NUCKS1: variants seen among roughly 807,000 people sequenced by gnomAD.
NUCKS1 encodes the protein nuclear casein kinase and cyclin dependent kinase substrate 1, also known as nuclear ubiquitous casein and cyclin-dependent kinase substrate 1.
Under a neutral mutation model 33.0 loss-of-function variants are expected in NUCKS1, and 2 were observed. The ratio of observed to expected loss-of-function variants is 0.06; its 90% CI spans 0.02 to 0.19. The LOEUF is 0.19. Among genes scored for constraint, NUCKS1 ranks in the 10% least tolerant of loss-of-function variants. The pLI is 1.00. For missense variants in NUCKS1, 201 were observed against 293.6 expected (o/e 0.68, Z 2.31); for synonymous variants, 106 against 102.8 (o/e 1.03, Z -0.19).
intron 1 of NUCKS1, among the ~76,000 whole-genome samples, chr1:205,739,218 C>T (rs1277276390): frequency 2.0e-5 from 3 of 152,194 alleles, no homozygotes; most frequent in Non-Finnish European, 4.4e-5. Flanking sequence ...TCCTTCCAAA[C>T]CTATAATCCA....
chr1:205,745,978 C>T (rs1337183978), intron 1 of NUCKS1, among the ~76,000 whole-genome samples: 2 of 152,224 alleles, frequency 1.3e-5, no homozygotes, highest in East Asian at 3.9e-4. Flanking sequence ...GTATGTTGAG[C>T]AAAAGTGAAT....
chr1:205,720,690 G>T (rs371294108), intron 4 of NUCKS1, 37 bp from the exon 5 acceptor site: 4 of 1,558,054 alleles, frequency 2.6e-6, no homozygotes, highest in Non-Finnish European at 3.5e-6. Flanking sequence ...AATGATTAAA[G>T]AATTTTATAT....
intron 1 of NUCKS1, among the ~76,000 whole-genome samples, chr1:205,749,714 C>G (rs1452471523): frequency 6.6e-6 from 1 of 151,646 alleles, no homozygotes; most frequent in Non-Finnish European, 1.5e-5. Flanking sequence ...GTGGGGGAGG[C>G]AGCTGAGCAG....
At chr1:205,742,949 T>TA (rs1242090116) in intron 1 of NUCKS1, among the ~76,000 whole-genome samples, 10 of 152,252 alleles carry the variant, frequency 6.6e-5, no homozygotes, top group African/African-American at 2.4e-4. Flanking sequence ...CTTCTGAATT[T>TA]AGAGTAATAC....
rs1264515201 is a variant in NUCKS1, at chr1:205,715,124, A to G, written c.*3156T>C. 9 of 152,212 alleles carry G rather than the reference A, an allele frequency of 5.9e-5. No individual in the cohort carries two copies. The highest frequency in any genetic ancestry group is 2.2e-4 in the African/African-American group (9 of 41,456). The allele number at this position is 152,212 out of a possible 1,614,324, so 9.4% of individuals were successfully genotyped here. On this transcript the variant is annotated 3_prime_UTR_variant, in exon 7 of 7. Coordinates refer to ENST00000367142, the MANE Select transcript of NUCKS1 (RefSeq NM_022731.5). ...AAAAGAGTCAAGTTTAGTCTAGCTG[A>G]CCATATTCACAAGTGTTAAAAACTT...
chr1:205,740,838 T>C (rs915922573), intron 1 of NUCKS1, among the ~76,000 whole-genome samples: 1 of 137,518 alleles, frequency 7.3e-6, no homozygotes, highest in Non-Finnish European at 1.6e-5. Context: ...TATATATATA[T>C]ACTTAGTATG....
rs1671829475 is a variant in NUCKS1 at position 205,716,805 on chromosome 1, A to C, written c.*1475T>G. The C allele has an allele frequency of 6.6e-6, 1 of 152,194 alleles. No homozygotes were observed. 9.4% of individuals were successfully genotyped at this position (152,194 alleles called of 1,614,324 possible). A position where few individuals can be genotyped will look rare whatever the true frequency, so the allele number is the denominator to read the frequency against. ...TAGATGTGAAGGATCAAACCTACGG[A>C]TCTATCTCCTGACTGCTTTTATAAG... On this transcript the variant is annotated 3_prime_UTR_variant, in exon 7 of 7. Transcript: ENST00000367142.
intron 1 of NUCKS1, among the ~76,000 whole-genome samples, chr1:205,732,309 T>G (rs906006041): frequency 2.4e-4 from 37 of 152,198 alleles, no homozygotes; most frequent in Non-Finnish European, 3.4e-4. Context: ...TAATTCCATG[T>G]ACATGAGGGA....
intron 1 of NUCKS1, among the ~76,000 whole-genome samples, chr1:205,740,380 A>G (rs1372948970): frequency 6.6e-6 from 1 of 151,866 alleles, no homozygotes; most frequent in Non-Finnish European, 1.5e-5. Context: ...GCACTCTGGG[A>G]GGCAGAGATG....
At chr1:205,746,885 CAA>C in intron 1 of NUCKS1, among the ~76,000 whole-genome samples, 1 of 152,220 alleles carries the variant, frequency 6.6e-6, no homozygotes, top group Admixed American at 6.5e-5. Flanking sequence ...CAAGGAGAAG[CAA>C]AAAGATTGGT....
chr1:205,722,811 T>C (rs1011246962), intron 4 of NUCKS1, among the ~76,000 whole-genome samples: 1 of 152,228 alleles, frequency 6.6e-6, no homozygotes, highest in Non-Finnish European at 1.5e-5. Flanking sequence ...CTACAGCCCT[T>C]TTCTGAAAAC....
Position 205,712,975 on chromosome 1 carries a change from T to A in NUCKS1, c.*5305A>T, listed in dbSNP as rs1671770072. Reference sequence around the variant, plus strand: ...TCCCTTAATTAATCAAACTGGTAAGTCTACTGCTTCTTGATTCCATCCTGA... The same window carrying A: ...TCCCTTAATTAATCAAACTGGTAAGACTACTGCTTCTTGATTCCATCCTGA... On this transcript the variant is annotated 3_prime_UTR_variant, in exon 7 of 7. Coordinates refer to ENST00000367142, the MANE Select transcript of NUCKS1 (RefSeq NM_022731.5). The A allele has an allele frequency of 6.6e-6, 1 of 152,230 alleles. No homozygotes were observed. Among genetic ancestry groups the A allele is most frequent in the African/African-American group, 2.4e-5 (1 of 41,464 alleles). 9.4% of individuals were successfully genotyped at this position (152,230 alleles called of 1,614,324 possible).
At chr1:205,734,714 T>G (rs572221796) in intron 1 of NUCKS1, among the ~76,000 whole-genome samples, 39 of 152,130 alleles carry the variant, frequency 2.6e-4, no homozygotes, top group African/African-American at 8.9e-4. Flanking sequence ...GCCAACATGG[T>G]GAAACCCCAT....
At chr1:205,741,806 T>TA (rs1417605137) in intron 1 of NUCKS1, among the ~76,000 whole-genome samples, 2 of 152,100 alleles carry the variant, frequency 1.3e-5, no homozygotes, top group African/African-American at 4.8e-5. Flanking sequence ...GGAAAGAAGT[T>TA]AGGGTAGATG....
intron 1 of NUCKS1, among the ~76,000 whole-genome samples, chr1:205,731,576 T>G (rs1378766155): frequency 6.6e-6 from 1 of 152,094 alleles, no homozygotes; most frequent in East Asian, 1.9e-4. Context: ...TAGGCCTAAA[T>G]TGATCAAGTG....
Position 205,750,015 on chromosome 1 carries a change from A to AGGGGGGGGGGGGGGGGGGG in NUCKS1, c.-43_-42insCCCCCCCCCCCCCCCCCCC, listed in dbSNP as rs2102454465. 4.6e-6 allele frequency: 7 copies of AGGGGGGGGGGGGGGGGGGG among 1,506,268 alleles called. No homozygotes were observed. Among genetic ancestry groups the AGGGGGGGGGGGGGGGGGGG allele is most frequent in the East Asian group, 2.8e-5 (1 of 36,318 alleles). 93.3% of individuals were successfully genotyped at this position (1,506,268 alleles called of 1,614,324 possible). On this transcript the variant is annotated 5_prime_UTR_variant, in exon 1 of 7. Transcript: ENST00000367142. ...GGACCGAGTCGAGAAGCCAAAGACC[A>AGGGGGGGGGGGGGGGGGGG]GGACCCCCCCCACCCCGCGCGCTCG...
At position 205,713,440 on chromosome 1, in the gene NUCKS1, C is replaced by T. The variant is rs907808731; in HGVS notation, c.*4840G>A. 1.3e-5 allele frequency: 2 copies of T among 151,924 alleles called. No individual in the cohort carries two copies. Among genetic ancestry groups the T allele is most frequent in the Admixed American group, 6.6e-5 (1 of 15,238 alleles). The allele number at this position is 151,924 out of a possible 1,614,324, so 9.4% of individuals were successfully genotyped here. A position where few individuals can be genotyped will look rare whatever the true frequency, so the allele number is the denominator to read the frequency against. The stretch of plus-strand genomic sequence containing the variant: ...GGAGCAGACACGCAGTCCTGGAAAC[C>T]CTTCAATAAAAGCAAAGCAGGAGTT... On this transcript the variant is annotated 3_prime_UTR_variant, in exon 7 of 7. Transcript: ENST00000367142.
chr1:205,744,630 G>GTTTTTTTGT (rs1553253164), intron 1 of NUCKS1, among the ~76,000 whole-genome samples: 1 of 87,786 alleles, frequency 1.1e-5, no homozygotes, highest in Non-Finnish European at 2.0e-5. Flanking sequence ...GTTCACTAGA[G>GTTTTTTTGT]TTTTTTTTTT....
chr1:205,738,440 A>ATT (rs34617208), intron 1 of NUCKS1, among the ~76,000 whole-genome samples: 135 of 140,760 alleles, frequency 9.6e-4, no homozygotes, highest in Middle Eastern at 3.8e-3. Context: ...TGCCCAGCTA[A>ATT]TTTTTTTTTT....
Sources: allele counts gnomAD v4.1 joint callset (sites outside exome capture counted in the v4.1 genomes callset), GRCh38; gene constraint gnomAD v4.1.1; transcripts MANE v1.5; gene names NCBI Gene and HGNC (gene_info 2026-07-23, HGNC 2026-07-21).